The following DMBT1 variants were observed in gnomAD, a reference collection of about 807,000 sequenced individuals.
DMBT1 encodes deleted in malignant brain tumors 1, also known as scavenger receptor cysteine-rich domain-containing protein DMBT1.
DMBT1 carries 198 observed loss-of-function variants against 252.9 expected under a neutral mutation model. That is an observed-to-expected ratio of 0.78 (90% CI 0.70 to 0.88). DMBT1 has a LOEUF of 0.88. DMBT1 is among the 40% of genes least tolerant of loss of function. The pLI, the probability that DMBT1 is intolerant of heterozygous loss-of-function variation, is 0.00. For missense variants in DMBT1, 2,432 were observed against 2,404.7 expected (o/e 1.01, Z -0.24); for synonymous variants, 990 against 942.7 (o/e 1.05, Z -0.92).
rs779461438 is a variant in DMBT1 at position 122,643,264 on chromosome 10, C to T, written c.7495C>T (p.Pro2499Ser). The part of the protein sequence containing the change: ...CKMVVCRAYD[P>S]SSRCYRGCVL... ...AATGGTGGTGTGCAGAGCGTATGAC[C>T]CCTCTTCCCGCTGCTACCGAGGCTG... Residue 2499 changes from proline (P) to serine (S), a missense_variant, in exon 56 of 56, where the codon CCC becomes TCC. Coordinates refer to ENST00000338354, the MANE Select transcript of DMBT1 (RefSeq NM_001377530.1). The T allele has an allele frequency of 5.6e-6, 9 of 1,613,830 alleles. No individual in the cohort carries two copies. The highest frequency in any genetic ancestry group is 1.3e-5 in the African/African-American group (1 of 74,884).
chr10:122,620,796 G>A (rs1342961952), intron 43 of DMBT1, among the ~76,000 whole-genome samples: 1 of 152,228 alleles, frequency 6.6e-6, no homozygotes, highest in Non-Finnish European at 1.5e-5. Context: ...CTCAGAATGA[G>A]GAGTGAGGCG....
intron 27 of DMBT1, 108 bp from the exon 28 acceptor site, chr10:122,600,883 C>T (rs2097946893): frequency 1.5e-6 from 1 of 648,344 alleles, no homozygotes; most frequent in South Asian, 1.9e-5. Context: ...GTGGCAGGAA[C>T]AGGAAGTGGA....
intron 48 of DMBT1, 100 bp from the exon 49 acceptor site, chr10:122,630,861 G>T: frequency 7.6e-7 from 1 of 1,318,720 alleles, no homozygotes. Flanking sequence ...GGCGACTTTA[G>T]AGGTGGGAAA....
At chr10:122,617,454 C>G (rs2098002295) in intron 40 of DMBT1, among the ~76,000 whole-genome samples, 194 bp downstream of exon 40, 2 of 151,394 alleles carry the variant, frequency 1.3e-5, no homozygotes, top group Non-Finnish European at 1.5e-5. Context: ...GTGACTGTCT[C>G]TCATGGGACC....
At chr10:122,599,179 C>T (rs1246210095) in intron 26 of DMBT1, 82 bp downstream of exon 26, 1 of 1,602,612 alleles carries the variant, frequency 6.2e-7, no homozygotes, top group Non-Finnish European at 8.5e-7. Flanking sequence ...CTGATCTCCT[C>T]ACTCAAAGCT....
rs548038868 is a variant in DMBT1, at chr10:122,592,993, G to T, written c.2500+398G>T. 4.7e-5 allele frequency among the ~76,000 whole-genome samples: 7 copies of T among 148,942 alleles called. No homozygotes were observed. The East Asian group carries it at 1.5e-3, about 31-fold the overall frequency. ...GAGGAACTCTGAGCTAAAGATGCTT[G>T]TCTGAAAGTGAGTTCTCAGCTGAGA... On this transcript the variant is annotated intron_variant, in intron 20 of 55. Transcript: ENST00000338354.
At chr10:122,634,413 C>CTTTCTT (rs1378320898) in intron 52 of DMBT1, among the ~76,000 whole-genome samples, 1 of 71,808 alleles carries the variant, frequency 1.4e-5, no homozygotes, top group African/African-American at 7.3e-5. Flanking sequence ...TTCTTTCTTT[C>CTTTCTT]TCTCTCTCTC....
intron 2 of DMBT1, among the ~76,000 whole-genome samples, chr10:122,568,534 G>A (rs937824058): frequency 1.8e-4 from 28 of 152,122 alleles, no homozygotes; most frequent in African/African-American, 6.3e-4. Flanking sequence ...GAGGAGGGTA[G>A]GGATGCAAGT....
At chr10:122,617,598 T>C (rs1353795296) in intron 40 of DMBT1, among the ~76,000 whole-genome samples, 1 of 151,570 alleles carries the variant, frequency 6.6e-6, no homozygotes, top group Non-Finnish European at 1.5e-5. Flanking sequence ...GGTGAAAATT[T>C]CTGTCCCTGC....
Position 122,590,741 on chromosome 10 carries a change from CA to C in DMBT1, c.2137+49del, listed in dbSNP as rs1565735945. 6 of 1,572,314 alleles carry C rather than the reference CA, an allele frequency of 3.8e-6. 2 individuals are homozygous for C. Among genetic ancestry groups the C allele is most frequent in the Admixed American group, 3.4e-5 (2 of 59,314 alleles). ...TTGGGATGTCCCTTTTCTTTCTGCA[CA>C]ATTATCCTTTTTCCCATTCCACAGA... On this transcript the variant is annotated intron_variant, in intron 18 of 55. Coordinates refer to ENST00000338354, the MANE Select transcript of DMBT1 (RefSeq NM_001377530.1).
chr10:122,626,699 T>G (rs2098121472), intron 46 of DMBT1, among the ~76,000 whole-genome samples: 1 of 152,212 alleles, frequency 6.6e-6, no homozygotes, highest in Non-Finnish European at 1.5e-5. Context: ...GACAAACTGA[T>G]CTTCTTCCTC....
chr10:122,624,833 G>A (rs1395508671), intron 44 of DMBT1, among the ~76,000 whole-genome samples: 1 of 152,198 alleles, frequency 6.6e-6, no homozygotes, highest in Non-Finnish European at 1.5e-5. Context: ...TGAAGATGCT[G>A]TGTCATCTGT....
At chr10:122,599,694 G>C (rs1441422193) in intron 26 of DMBT1, among the ~76,000 whole-genome samples, 1 of 152,218 alleles carries the variant, frequency 6.6e-6, no homozygotes, top group Admixed American at 6.5e-5. Flanking sequence ...AGGCCGGCCA[G>C]GCATGGCCTT....
chr10:122,620,123 G>A, intron 42 of DMBT1, 130 bp from the exon 43 acceptor site: 1 of 926,484 alleles, frequency 1.1e-6, no homozygotes, highest in East Asian at 2.5e-5. Context: ...GACTTGGGTA[G>A]CACTTGGAGC....
At chr10:122,622,774 C>G (rs1468160830) in intron 44 of DMBT1, among the ~76,000 whole-genome samples, 1 of 152,188 alleles carries the variant, frequency 6.6e-6, no homozygotes, top group African/African-American at 2.4e-5. Flanking sequence ...GCACTAGGCT[C>G]TACTTGAATC....
At chr10:122,571,412 T>C (rs77540817) in intron 4 of DMBT1, among the ~76,000 whole-genome samples, 2,447 of 152,240 alleles carry the variant, frequency 0.016, 91 homozygotes, top group East Asian at 0.16. Flanking sequence ...TTTTTCCTTT[T>C]TTAAAGGCTT....
At position 122,577,832 on chromosome 10, in the gene DMBT1, T is replaced by C. The variant is rs1410207932; in HGVS notation, c.629T>C (p.Leu210Pro). The stretch of plus-strand genomic sequence containing the variant: ...ACAGCTGCCCAGCCTCAGTCAACAC[T>C]CAGGCCAGGTGAGTCCCCAGAATCC... The part of the protein sequence containing the change: ...ICSAAQPQST[L>P]RPESWPVRIS... Residue 210 changes from leucine to proline, a missense_variant, in exon 8 of 56, where the codon CTC becomes CCC. Physicochemically the swap from Leu to Pro is moderately conservative, Grantham distance 98 (BLOSUM62 -3). Transcript: ENST00000338354. 1.9e-6 allele frequency: 3 copies of C among 1,613,640 alleles called. No homozygotes were observed. In the Admixed American group the frequency reaches 5.0e-5, roughly 27 times the overall value.
rs1196926325 is a variant in DMBT1 at position 122,633,308 on chromosome 10, A to G, written c.6515A>G (p.Asn2172Ser). The G allele has an allele frequency of 1.9e-6, 3 of 1,613,636 alleles. No individual in the cohort carries two copies. The highest frequency in any genetic ancestry group is 2.5e-6 in the Non-Finnish European group (3 of 1,179,578). The change falls in exon 52 of 56, where the codon AAC becomes AGC. Residue 2172 changes from asparagine to serine, a missense_variant. This residue lies in a region of DMBT1 where 1,162 missense variants were observed against 1,169.0 expected (regional missense o/e 0.99). Transcript: ENST00000338354. ...GTGTGGGACATTGAGGTGCAAAACA[A>G]CTACCGTGTGACTGTGATCTTCAGA... is the stretch of plus-strand genomic sequence containing the variant. ...KCVWDIEVQN[N>S]YRVTVIFRDV...
intron 2 of DMBT1, among the ~76,000 whole-genome samples, chr10:122,567,413 A>G (rs1357685651): frequency 6.6e-6 from 1 of 152,144 alleles, no homozygotes; most frequent in African/African-American, 2.4e-5. Flanking sequence ...TGTCCCTGAG[A>G]CTGGGGAAGG....
Sources: gnomAD v4.1 joint callset for allele counts (sites outside exome capture counted in the v4.1 genomes callset) on GRCh38, gnomAD v4.1.1 for gene constraint, gnomAD v4.1.1 regional missense constraint, MANE v1.5 for transcripts, NCBI Gene and HGNC (gene_info 2026-07-23, HGNC 2026-07-21) for gene names.